The following EYS variants were observed in gnomAD, a reference collection of about 807,000 sequenced individuals.
The protein encoded by EYS is EGF-like photoreceptor maintenance factor.
A neutral mutation model predicts 282.1 loss-of-function variants in EYS; 250 were observed. That is an observed-to-expected ratio of 0.89 (90% confidence interval 0.80 to 0.98). The LOEUF (loss-of-function observed/expected upper bound fraction) is 0.98, where lower values mean the gene tolerates loss of function less well. Ranked by LOEUF, EYS falls within the 50% of genes least tolerant of loss-of-function variation. The pLI, the probability that EYS is intolerant of heterozygous loss-of-function variation, is 0.00. For synonymous variants in EYS, 1,355 were observed against 1,282.9 expected, an observed-to-expected ratio of 1.06 and a Z score of -1.20; for missense variants, 4,016 against 3,709.0, an observed-to-expected ratio of 1.08 and a Z score of -2.15.
At chr6:64,101,375 A>G (rs1353415380) in intron 31 of EYS, among the ~76,000 whole-genome samples, 1 of 152,202 alleles carries the variant, frequency 6.6e-6, no homozygotes, top group Non-Finnish European at 1.5e-5. Flanking sequence ...TTTCCTTAAA[A>G]GCACAGACGA....
At chr6:64,444,105 G>C in intron 26 of EYS, among the ~76,000 whole-genome samples, 1 of 79,556 alleles carries the variant, frequency 1.3e-5, no homozygotes, top group East Asian at 7.0e-4. Flanking sequence ...CATGAAATTA[G>C]GGGTAATTTC....
intron 11 of EYS, among the ~76,000 whole-genome samples, chr6:65,325,650 AGG>A (rs1187668680): frequency 6.6e-6 from 1 of 152,072 alleles, no homozygotes; most frequent in East Asian, 1.9e-4. Flanking sequence ...GAGGAGGAGA[AGG>A]GGTCTAAAAT....
At chr6:63,757,329 G>A (rs1769515087) in intron 41 of EYS, among the ~76,000 whole-genome samples, 1 of 152,134 alleles carries the variant, frequency 6.6e-6, no homozygotes, top group African/African-American at 2.4e-5. Flanking sequence ...CTAGGGTGGG[G>A]AAGAAACCCC....
At chr6:65,442,811 CAT>C (rs1768394335) in intron 5 of EYS, among the ~76,000 whole-genome samples, 4 of 123,728 alleles carry the variant, frequency 3.2e-5, no homozygotes, top group African/African-American at 7.6e-5. Flanking sequence ...CACACACATG[CAT>C]ATGTGTATAT....
At chr6:65,334,407 A>G (rs1471601026) in intron 11 of EYS, among the ~76,000 whole-genome samples, 1 of 151,756 alleles carries the variant, frequency 6.6e-6, no homozygotes, top group East Asian at 2.0e-4. Context: ...GGCTAGGAGT[A>G]CAGGTGTGCA....
In EYS at chr6:65,442,926, ATATATGTATATACG is replaced by A. The variant is rs1481103737; in HGVS notation, c.863-37573_863-37560del. On this transcript the variant is annotated intron_variant, in intron 5 of 42. Coordinates refer to ENST00000503581, the MANE Select transcript of EYS (RefSeq NM_001142800.2). ...TATATACATGCACATACATATGTAC[ATATATGTATATACG>A]TATATACATGCACATACATATGTAC... Among the ~76,000 whole-genome samples, 2 of 133,414 alleles carry A rather than the reference ATATATGTATATACG, an allele frequency of 1.5e-5. 1 individual carries two copies. The highest frequency in any genetic ancestry group is 3.5e-5 in the Non-Finnish European group (2 of 56,866). The allele number at this position is 133,414 out of a possible 152,430, so 87.5% of individuals were successfully genotyped here.
At chr6:63,921,165 G>C (rs1366425628) in intron 35 of EYS, among the ~76,000 whole-genome samples, 1 of 152,166 alleles carries the variant, frequency 6.6e-6, no homozygotes, top group South Asian at 2.1e-4. Flanking sequence ...CAAAGTGCTG[G>C]GATTACAGGC....
intron 37 of EYS, among the ~76,000 whole-genome samples, chr6:63,793,712 G>A (rs1271443858): frequency 6.6e-6 from 1 of 152,092 alleles, no homozygotes; most frequent in Non-Finnish European, 1.5e-5. Flanking sequence ...ACCTTTAACG[G>A]CATTTCTCCC....
chr6:64,858,420 T>C (rs1766133678), intron 19 of EYS, among the ~76,000 whole-genome samples: 1 of 152,078 alleles, frequency 6.6e-6, no homozygotes, highest in African/African-American at 2.4e-5. Context: ...ATGTGGGCTT[T>C]TTTTTGGGTT....
rs1474869585 is a variant in EYS, at chr6:64,273,622, G to A, written c.6191+33348C>T. 1.3e-5 allele frequency among the ~76,000 whole-genome samples: 2 copies of A among 151,624 alleles called. 1 individual carries two copies. Among genetic ancestry groups the A allele is most frequent in the South Asian group, 4.2e-4 (2 of 4,792 alleles). ...ACAGCTCCTTCTTCCTCTTGTTCAT[G>A]GGCACCTTTCATTTCTTTCCTTAAA... On this transcript the variant is annotated intron_variant, in intron 30 of 42. Coordinates refer to ENST00000503581, the MANE Select transcript of EYS (RefSeq NM_001142800.2).
chr6:64,194,865 T>C (rs72876892), intron 31 of EYS, among the ~76,000 whole-genome samples: 47,469 of 152,068 alleles, frequency 0.31, 7,467 homozygotes, highest in East Asian at 0.5. Flanking sequence ...TACTTGATAA[T>C]AGAGACCTTA....
intron 2 of EYS, among the ~76,000 whole-genome samples, chr6:65,585,044 G>C (rs1287189895): frequency 6.6e-6 from 1 of 151,494 alleles, no homozygotes; most frequent in Non-Finnish European, 1.5e-5. Context: ...ATAAAAGTGT[G>C]GTCCATTGTT....
intron 29 of EYS, among the ~76,000 whole-genome samples, chr6:64,356,456 A>G (rs904953857): frequency 6.6e-6 from 1 of 151,698 alleles, no homozygotes; most frequent in Non-Finnish European, 1.5e-5. Context: ...TTCCCCCTGA[A>G]GCAGTTTATA....
At chr6:65,505,874 A>G (rs960409936) in intron 2 of EYS, among the ~76,000 whole-genome samples, 2 of 152,178 alleles carry the variant, frequency 1.3e-5, no homozygotes, top group Non-Finnish European at 2.9e-5. Context: ...TGTTGGATAG[A>G]CTATAATTGC....
At chr6:64,636,035 A>C (rs1321069437) in intron 22 of EYS, among the ~76,000 whole-genome samples, 1 of 151,820 alleles carries the variant, frequency 6.6e-6, no homozygotes, top group Non-Finnish European at 1.5e-5. Flanking sequence ...TTCAACTTCA[A>C]TCCCATCCCC....
At chr6:63,884,919 G>A (rs773776756) in intron 35 of EYS, among the ~76,000 whole-genome samples, 46 of 151,774 alleles carry the variant, frequency 3.0e-4, no homozygotes, top group Non-Finnish European at 4.3e-4. Context: ...GAAATAATAC[G>A]CTATCTTAAT....
intron 22 of EYS, chr6:64,631,757 G>C (rs558846069): frequency 4.6e-5 from 7 of 151,962 alleles, no homozygotes; most frequent in African/African-American, 1.7e-4. Context: ...AATGTGTCTG[G>C]TATCATACAA....
chr6:65,293,512 AGAG>A (rs894468356), intron 12 of EYS, among the ~76,000 whole-genome samples: 2 of 151,860 alleles, frequency 1.3e-5, no homozygotes, highest in Admixed American at 6.6e-5. Context: ...GGTTTTCTGC[AGAG>A]AAGATTGGAC....
chr6:63,805,192 A>T (rs570977379), intron 37 of EYS, among the ~76,000 whole-genome samples: 1 of 152,250 alleles, frequency 6.6e-6, no homozygotes, highest in Non-Finnish European at 1.5e-5. Flanking sequence ...CACTGAACTC[A>T]GAGAAGTTAG....
Sources: gnomAD v4.1 joint callset for allele counts (sites outside exome capture counted in the v4.1 genomes callset) on GRCh38, gnomAD v4.1.1 for gene constraint, MANE v1.5 for transcripts, NCBI Gene and HGNC (gene_info 2026-07-23, HGNC 2026-07-21) for gene names.